Variants in OTOGL observed in about 807,000 individuals in gnomAD.
The protein encoded by OTOGL is otogelin like.
A neutral mutation model predicts 318.5 loss-of-function variants in OTOGL; 285 were observed. The ratio of observed to expected loss-of-function variants is 0.89; its 90% CI spans 0.81 to 0.99. The LOEUF (loss-of-function observed/expected upper bound fraction) is 0.99, where lower values mean the gene tolerates loss of function less well. OTOGL is among the 50% of genes least tolerant of loss of function. The probability of loss-of-function intolerance (pLI) is 0.00; values close to 1 mark genes in which losing one functional copy is unlikely to be tolerated. For synonymous variants in OTOGL, 987 were observed against 936.5 expected, an observed-to-expected ratio of 1.05 and a Z score of -0.99; for missense variants, 2,899 against 2,845.6, an observed-to-expected ratio of 1.02 and a Z score of -0.43.
intron 1 of OTOGL, among the ~76,000 whole-genome samples, chr12:80,163,701 G>T (rs1259817627): frequency 2.6e-5 from 4 of 152,062 alleles, no homozygotes; most frequent in African/African-American, 9.7e-5. Context: ...GGGGTGATTT[G>T]GCTTTGTCCT....
rs564966055 is a variant in OTOGL at position 80,228,309 on chromosome 12, G to A, written c.490-948G>A. Among the ~76,000 whole-genome samples the A allele has an allele frequency of 8.6e-5, 13 of 152,002 alleles. No homozygotes were observed. In the South Asian group the frequency reaches 2.7e-3, roughly 32 times the overall value. ...AATAGAAAAATTAGCCGGTTTGGTG[G>A]TACACGCCTATAGCCCCAGCTACTT... is the stretch of plus-strand genomic sequence containing the variant. On this transcript the variant is annotated intron_variant, in intron 7 of 58. Transcript: ENST00000547103.
chr12:80,157,573 G>A (rs549508347), intron 1 of OTOGL, among the ~76,000 whole-genome samples: 5 of 152,210 alleles, frequency 3.3e-5, no homozygotes, highest in African/African-American at 1.2e-4. Flanking sequence ...TTAGATTTAA[G>A]TGTTACATCT....
intron 38 of OTOGL, among the ~76,000 whole-genome samples, chr12:80,333,334 A>G (rs1202583868): frequency 6.6e-6 from 1 of 151,278 alleles, no homozygotes; most frequent in Admixed American, 6.6e-5. Flanking sequence ...AGAGTTATCT[A>G]GTATGGATTT....
In OTOGL at chr12:80,196,051, CA is replaced by C. The variant is rs1876044396; in HGVS notation, c.-19-13359del. Among the ~76,000 whole-genome samples the C allele has an allele frequency of 6.6e-5, 10 of 152,252 alleles. No individual in the cohort carries two copies. The South Asian group carries it at 2.1e-3, about 32-fold the overall frequency. On this transcript the variant is annotated intron_variant, in intron 1 of 58. Coordinates refer to ENST00000547103, the MANE Select transcript of OTOGL (RefSeq NM_001378609.3). ...TCCTTGAAGGTTTGATTTCATCTTTCAAATATTGGGAGTTCAATCTGGCTCT... is the reference window on the plus strand; with the variant it reads ...TCCTTGAAGGTTTGATTTCATCTTTCAATATTGGGAGTTCAATCTGGCTCT...
At position 80,262,112 on chromosome 12, in the gene OTOGL, C is replaced by G. The variant is rs759788714; in HGVS notation, c.2014+19C>G. 21 of 1,597,162 alleles carry G rather than the reference C, an allele frequency of 1.3e-5. No individual in the cohort carries two copies. The highest frequency in any genetic ancestry group is 1.7e-5 in the Non-Finnish European group (20 of 1,170,462). On this transcript the variant is annotated intron_variant, in intron 19 of 58. Transcript: ENST00000547103. ...CAAAACAGTAAGTTTTGCATGTAAA[C>G]TTCCTTTCTGCTGTAAACTTAGGGA...
intron 1 of OTOGL, among the ~76,000 whole-genome samples, chr12:80,163,811 A>T (rs1387799230): frequency 6.6e-6 from 1 of 152,116 alleles, no homozygotes; most frequent in African/African-American, 2.4e-5. Context: ...TGTTGCAAGC[A>T]TTTTCCAAGC....
chr12:80,335,839 T>C, intron 38 of OTOGL, 124 bp from the exon 39 acceptor site: 1 of 824,232 alleles, frequency 1.2e-6, no homozygotes, highest in Non-Finnish European at 1.7e-6. Flanking sequence ...TTTAATTCTT[T>C]ATCTTTCAAA....
chr12:80,127,681 C>G (rs1281286777), intron 1 of OTOGL, among the ~76,000 whole-genome samples: 1 of 152,216 alleles, frequency 6.6e-6, no homozygotes, highest in Non-Finnish European at 1.5e-5. Flanking sequence ...GTACACCAAT[C>G]AGATGTAGAT....
chr12:80,204,152 C>T (rs1296251158), intron 1 of OTOGL, among the ~76,000 whole-genome samples: 4 of 152,102 alleles, frequency 2.6e-5, no homozygotes, highest in African/African-American at 2.4e-5. Flanking sequence ...GTGGGCTGAT[C>T]AAGCTTTTTT....
In OTOGL at chr12:80,252,058, C is replaced by T. The variant is rs1881609770; in HGVS notation, c.1160-18C>T. ...GGCTAATAAAATTGACTTAAGCTCC[C>T]CTGTTTGTCTGTTTTAGCTGATAAA... is the stretch of plus-strand genomic sequence containing the variant. On this transcript the variant is annotated intron_variant, in intron 12 of 58. Coordinates refer to ENST00000547103, the MANE Select transcript of OTOGL (RefSeq NM_001378609.3). 1 of 1,510,908 alleles carries T rather than the reference C, an allele frequency of 6.6e-7. No homozygotes were observed. Among genetic ancestry groups the T allele is most frequent in the Non-Finnish European group, 8.9e-7 (1 of 1,126,942 alleles). The allele number at this position is 1,510,908 out of a possible 1,614,324, so 93.6% of individuals were successfully genotyped here.
chr12:80,319,611 C>A (rs1887196464), intron 33 of OTOGL, among the ~76,000 whole-genome samples: 1 of 152,060 alleles, frequency 6.6e-6, no homozygotes, highest in African/African-American at 2.4e-5. Flanking sequence ...AATTTTACAA[C>A]ATGATAAATG....
At chr12:80,171,067 A>G (rs571483539) in intron 1 of OTOGL, among the ~76,000 whole-genome samples, 7 of 151,930 alleles carry the variant, frequency 4.6e-5, no homozygotes, top group African/African-American at 1.2e-4. Context: ...ACTGTGAGTC[A>G]TAGGTTAGGA....
intron 1 of OTOGL, among the ~76,000 whole-genome samples, chr12:80,116,465 G>T (rs1268278895): frequency 6.6e-6 from 1 of 152,020 alleles, no homozygotes; most frequent in East Asian, 1.9e-4. Context: ...TGGTATCCCT[G>T]GGAACTGCAT....
intron 49 of OTOGL, 45 bp downstream of exon 49, chr12:80,356,959 AGG>A: frequency 1.6e-6 from 2 of 1,212,984 alleles, no homozygotes; most frequent in Non-Finnish European, 1.1e-6. Context: ...GAAAGGATCT[AGG>A]AAAAAAATCT....
chr12:80,307,913 G>GT (rs1592687167), intron 29 of OTOGL, among the ~76,000 whole-genome samples: 6 of 132,802 alleles, frequency 4.5e-5, no homozygotes, highest in Non-Finnish European at 6.3e-5. Context: ...GGCTGGCCGG[G>GT]CGGGGGCTGA....
chr12:80,115,902 C>T (rs942378397), intron 1 of OTOGL, among the ~76,000 whole-genome samples: 6 of 152,306 alleles, frequency 3.9e-5, no homozygotes, highest in Admixed American at 2.0e-4. Flanking sequence ...CCCCTCCCCC[C>T]ACCAAGCTTC....
chr12:80,149,919 C>G (rs571781737), intron 1 of OTOGL, among the ~76,000 whole-genome samples: 1 of 152,188 alleles, frequency 6.6e-6, no homozygotes, highest in Non-Finnish European at 1.5e-5. Context: ...GGCTCATGCA[C>G]GGTGCGCGCA....
intron 33 of OTOGL, among the ~76,000 whole-genome samples, chr12:80,319,907 A>T (rs1887212355): frequency 6.6e-6 from 1 of 152,176 alleles, no homozygotes; most frequent in African/African-American, 2.4e-5. Context: ...TTCTTGGTGC[A>T]GTAAGATCTC....
At chr12:80,149,733 A>C (rs929618345) in intron 1 of OTOGL, among the ~76,000 whole-genome samples, 3 of 152,240 alleles carry the variant, frequency 2.0e-5, no homozygotes, top group Admixed American at 6.5e-5. Context: ...CCATGGGCGT[A>C]GGACCCTCCA....
Sources: gnomAD v4.1 joint callset for allele counts (sites outside exome capture counted in the v4.1 genomes callset) on GRCh38, gnomAD v4.1.1 for gene constraint, MANE v1.5 for transcripts, NCBI Gene and HGNC (gene_info 2026-07-23, HGNC 2026-07-21) for gene names.